MCUB: variants seen among roughly 807,000 people sequenced by gnomAD.
MCUB encodes the protein calcium uniporter regulatory subunit MCUb, mitochondrial.
A neutral mutation model predicts 41.4 loss-of-function variants in MCUB; 46 were observed. That is an observed-to-expected ratio of 1.11 (90% CI 0.88 to 1.42). The LOEUF (loss-of-function observed/expected upper bound fraction) is 1.42. Ranked by LOEUF, MCUB falls within the 40% of genes most tolerant of loss-of-function variation. The pLI is 0.00. For missense variants in MCUB, 403 were observed against 404.9 expected (o/e 1.00, Z 0.04); for synonymous variants, 148 against 148.2 (o/e 1.00, Z 0.01).
chr4:109,603,881 A>C (rs929773098), intron 1 of MCUB, among the ~76,000 whole-genome samples: 1 of 152,212 alleles, frequency 6.6e-6, no homozygotes, highest in Non-Finnish European at 1.5e-5. Context: ...CCCGTCTGGG[A>C]GGTGTACCCA....
intron 1 of MCUB, among the ~76,000 whole-genome samples, chr4:109,598,788 A>G (rs554368442): frequency 8.5e-5 from 13 of 152,332 alleles, no homozygotes; most frequent in African/African-American, 2.9e-4. Flanking sequence ...TTTAAAATAC[A>G]TATATGCAGT....
intron 1 of MCUB, among the ~76,000 whole-genome samples, chr4:109,620,185 G>C (rs1223361941): frequency 1.3e-5 from 2 of 152,138 alleles, no homozygotes; most frequent in African/African-American, 4.8e-5. Context: ...ATGTCAGACA[G>C]ATGCCTCGAT....
At chr4:109,567,696 G>C (rs1356482049) in intron 1 of MCUB, among the ~76,000 whole-genome samples, 1 of 151,566 alleles carries the variant, frequency 6.6e-6, no homozygotes, top group Non-Finnish European at 1.5e-5. Flanking sequence ...TTGAACAGGG[G>C]CTTTTTATTT....
At chr4:109,680,681 C>T (rs1447192913) in intron 4 of MCUB, among the ~76,000 whole-genome samples, 1 of 152,180 alleles carries the variant, frequency 6.6e-6, no homozygotes, top group African/African-American at 2.4e-5. Context: ...GTAAAGACCA[C>T]AGCAGTCTTG....
intron 1 of MCUB, among the ~76,000 whole-genome samples, chr4:109,656,442 T>C (rs1440957071): frequency 3.7e-5 from 5 of 133,656 alleles, no homozygotes; most frequent in Admixed American, 8.8e-5. Flanking sequence ...GTAGCTACAA[T>C]CTCGGTTCAC....
intron 7 of MCUB, 97 bp from the exon 8 acceptor site, chr4:109,687,418 G>A: frequency 1.2e-6 from 1 of 803,466 alleles, no homozygotes; most frequent in South Asian, 1.5e-5. Flanking sequence ...TTTTATTGCT[G>A]TAAGGAGACG....
intron 1 of MCUB, among the ~76,000 whole-genome samples, chr4:109,597,839 G>GAT (rs1727612885): frequency 6.6e-6 from 1 of 151,326 alleles, no homozygotes. Flanking sequence ...CTTCTCAGAC[G>GAT]GGGCGGTTGC....
chr4:109,616,556 GACACTTTAA>G (rs1728132328), intron 1 of MCUB, among the ~76,000 whole-genome samples: 1 of 152,108 alleles, frequency 6.6e-6, no homozygotes, highest in Admixed American at 6.6e-5. Flanking sequence ...ACTTGGACCT[GACACTTTAA>G]ACATGTTTAA....
chr4:109,687,322 G>T (rs1342383935), intron 7 of MCUB, among the ~76,000 whole-genome samples, 193 bp from the exon 8 acceptor site: 2 of 152,080 alleles, frequency 1.3e-5, no homozygotes, highest in Non-Finnish European at 2.9e-5. Flanking sequence ...TGGTAGCACT[G>T]CACTCCTGCC....
chr4:109,685,430 T>C (rs1431747865), intron 7 of MCUB, 63 bp downstream of exon 7: 5 of 703,836 alleles, frequency 7.1e-6, no homozygotes. Context: ...ATCAGGGAAG[T>C]ATAACTGGTG....
At chr4:109,659,849 G>A (rs1729188855) in intron 2 of MCUB, among the ~76,000 whole-genome samples, 1 of 152,100 alleles carries the variant, frequency 6.6e-6, no homozygotes, top group South Asian at 2.1e-4. Context: ...GTAGAGATGG[G>A]GTTTCGCCAT....
intron 1 of MCUB, among the ~76,000 whole-genome samples, chr4:109,566,207 C>T (rs565043144): frequency 2.0e-5 from 3 of 150,738 alleles, no homozygotes; most frequent in African/African-American, 4.8e-5. Context: ...CAGTGGCTCA[C>T]GCCTGTAATT....
chr4:109,627,260 A>T (rs976087205), intron 1 of MCUB, among the ~76,000 whole-genome samples: 1 of 152,216 alleles, frequency 6.6e-6, no homozygotes, highest in Non-Finnish European at 1.5e-5. Context: ...GCTGGCATGT[A>T]TCTGGAAGCA....
At chr4:109,687,104 C>T (rs1024409030) in intron 7 of MCUB, among the ~76,000 whole-genome samples, 1 of 151,776 alleles carries the variant, frequency 6.6e-6, no homozygotes, top group Non-Finnish European at 1.5e-5. Flanking sequence ...ATTTATATCC[C>T]GTCACTTTGG....
chr4:109,602,277 CA>C (rs1419121075), intron 1 of MCUB, among the ~76,000 whole-genome samples: 2 of 152,152 alleles, frequency 1.3e-5, no homozygotes, highest in Non-Finnish European at 2.9e-5. Context: ...GGATATTACT[CA>C]AGAAATCTTT....
At chr4:109,669,279 A>G (rs956287956) in intron 4 of MCUB, among the ~76,000 whole-genome samples, 1 of 152,102 alleles carries the variant, frequency 6.6e-6, no homozygotes, top group South Asian at 2.1e-4. Context: ...TTTGAAGAAT[A>G]ATTTCACAGG....
At chr4:109,587,271 C>A (rs1241711042) in intron 1 of MCUB, among the ~76,000 whole-genome samples, 1 of 152,260 alleles carries the variant, frequency 6.6e-6, no homozygotes, top group African/African-American at 2.4e-5. Flanking sequence ...GAGCCAGGCA[C>A]AGGATATAAT....
intron 1 of MCUB, among the ~76,000 whole-genome samples, chr4:109,562,857 C>CT (rs1726673639): frequency 6.6e-6 from 1 of 151,982 alleles, no homozygotes; most frequent in Admixed American, 6.5e-5. Flanking sequence ...GAGCAATTGT[C>CT]TGCTAGTGTT....
intron 1 of MCUB, among the ~76,000 whole-genome samples, chr4:109,586,393 C>T (rs571279403): frequency 1.2e-3 from 175 of 152,078 alleles, no homozygotes; most frequent in Non-Finnish European, 2.2e-3. Context: ...GCGATGGGTT[C>T]GAACATCCTT....
Sources: allele counts gnomAD v4.1 joint callset (sites outside exome capture counted in the v4.1 genomes callset), GRCh38; gene constraint gnomAD v4.1.1; transcripts MANE v1.5; gene names NCBI Gene and HGNC (gene_info 2026-07-23, HGNC 2026-07-21).